Variants in HELZ observed in about 807,000 individuals in gnomAD.
HELZ encodes ATP-dependent RNA helicase with zinc finger domain.
HELZ carries 23 observed loss-of-function variants against 218.2 expected under a neutral mutation model. That is an observed-to-expected ratio of 0.11 (90% CI 0.08 to 0.15). HELZ has a LOEUF of 0.15. HELZ is among the 10% of genes least tolerant of loss of function. HELZ has a pLI of 1.00. For synonymous variants in HELZ, 814 were observed against 829.4 expected (o/e 0.98, Z 0.32); for missense variants, 1,813 against 2,353.7 (o/e 0.77, Z 4.75).
Position 67,109,435 on chromosome 17 carries a change from T to A in HELZ, c.4170A>T (p.Gln1390His), listed in dbSNP as rs2037210888. 1.9e-6 allele frequency: 3 copies of A among 1,614,140 alleles called. No homozygotes were observed. In the East Asian group the frequency reaches 6.7e-5, roughly 36 times the overall value. The change falls in exon 29 of 33, where the codon CAA becomes CAT. Residue 1390 changes from glutamine (Q) to histidine (H), a missense_variant. By Grantham distance (24) the Gln-to-His change is conservative. This residue lies in a region of HELZ where 938 missense variants were observed against 1,027.5 expected (regional missense o/e 0.91). Transcript: ENST00000358691. Reference sequence around the variant, plus strand: ...TTGGCTGAGGTGGTATCTGATTTGGTTGTTCAGGCAAATTATTCTGCTGCT... The same window carrying A: ...TTGGCTGAGGTGGTATCTGATTTGGATGTTCAGGCAAATTATTCTGCTGCT... ...LNQQQNNLPE[Q>H]PNQIPPQPNQ...
At chr17:67,163,086 T>C (rs1436891786) in intron 15 of HELZ, among the ~76,000 whole-genome samples, 1 of 152,200 alleles carries the variant, frequency 6.6e-6, no homozygotes, top group Admixed American at 6.5e-5. Context: ...ATAATGACAT[T>C]TGCATCAGAT....
intron 31 of HELZ, among the ~76,000 whole-genome samples, chr17:67,098,184 C>T (rs1598210103): frequency 6.6e-6 from 1 of 152,156 alleles, no homozygotes; most frequent in South Asian, 2.1e-4. Context: ...TAAGAATAAA[C>T]CTTACTCATG....
intron 19 of HELZ, among the ~76,000 whole-genome samples, 173 bp from the exon 20 acceptor site, chr17:67,148,887 G>C (rs1428619766): frequency 2.0e-5 from 3 of 152,084 alleles, no homozygotes; most frequent in African/African-American, 7.2e-5. Flanking sequence ...CCACTACTAA[G>C]AACTTGGCTA....
intron 3 of HELZ, among the ~76,000 whole-genome samples, chr17:67,223,751 C>A (rs771353920): frequency 4.0e-5 from 6 of 150,980 alleles, no homozygotes; most frequent in Non-Finnish European, 5.9e-5. Context: ...GACTCCCTCT[C>A]AAAGAAAAAA....
Position 67,076,855 on chromosome 17 carries a change from T to C in HELZ, c.*1397A>G, listed in dbSNP as rs1199155642. 2 of 151,072 alleles carry C rather than the reference T, an allele frequency of 1.3e-5. No individual in the cohort carries two copies. Among genetic ancestry groups the C allele is most frequent in the African/African-American group, 4.8e-5 (2 of 41,248 alleles). 9.4% of individuals were successfully genotyped at this position (151,072 alleles called of 1,614,324 possible). On this transcript the variant is annotated 3_prime_UTR_variant, in exon 33 of 33. Transcript: ENST00000358691. ...CGAAAGGTTCCCCAGCCTCATCTTA[T>C]TTTTTTTTAAAAGTTTATATTGTAG... is the stretch of plus-strand genomic sequence containing the variant.
chr17:67,094,333 A>AGAGAG (rs1555597035), intron 31 of HELZ, among the ~76,000 whole-genome samples: 4 of 146,632 alleles, frequency 2.7e-5, no homozygotes, highest in African/African-American at 1.1e-4. Context: ...AAAAAAAAAA[A>AGAGAG]AGAGAGAGAG....
intron 21 of HELZ, among the ~76,000 whole-genome samples, chr17:67,144,410 A>T (rs1281628503): frequency 2.0e-5 from 3 of 151,638 alleles, no homozygotes; most frequent in Non-Finnish European, 4.4e-5. Flanking sequence ...CTCTAAAGTT[A>T]CATGTTTAAT....
intron 27 of HELZ, chr17:67,119,840 AT>A (rs913777049): frequency 2.9e-6 from 1 of 345,426 alleles, no homozygotes; most frequent in Non-Finnish European, 5.5e-6. Context: ...CAAATTTAAT[AT>A]TTTTTTCAGA....
chr17:67,210,191 T>C (rs1163010168), intron 5 of HELZ, among the ~76,000 whole-genome samples: 1 of 152,244 alleles, frequency 6.6e-6, no homozygotes, highest in African/African-American at 2.4e-5. Context: ...GCCACTCTAC[T>C]TCCAGTCTGG....
chr17:67,183,918 A>G (rs888257054), intron 12 of HELZ, among the ~76,000 whole-genome samples: 1 of 152,044 alleles, frequency 6.6e-6, no homozygotes, highest in African/African-American at 2.4e-5. Flanking sequence ...AGTTTTCAGG[A>G]TTGCCAAAAT....
At chr17:67,162,805 G>C (rs1212238589) in intron 15 of HELZ, among the ~76,000 whole-genome samples, 1 of 151,324 alleles carries the variant, frequency 6.6e-6, no homozygotes, top group Non-Finnish European at 1.5e-5. Context: ...ACCAGGAAAA[G>C]TAAATAAACT....
intron 7 of HELZ, among the ~76,000 whole-genome samples, chr17:67,197,938 A>C (rs2143055881): frequency 6.6e-6 from 1 of 152,242 alleles, no homozygotes; most frequent in South Asian, 2.1e-4. Context: ...ATCAGGAGTA[A>C]TTATTCATAT....
At chr17:67,184,785 C>T (rs1259968428) in intron 12 of HELZ, among the ~76,000 whole-genome samples, 1 of 151,880 alleles carries the variant, frequency 6.6e-6, no homozygotes, top group African/African-American at 2.4e-5. Flanking sequence ...CACTGCACTC[C>T]AGCCTGGGCA....
At chr17:67,107,134 A>G (rs2037128541) in intron 31 of HELZ, 35 bp downstream of exon 31, 3 of 1,535,720 alleles carry the variant, frequency 2.0e-6, no homozygotes, top group East Asian at 2.3e-5. Context: ...TTTCACAATC[A>G]GCTAATAACA....
chr17:67,132,536 G>A (rs569717582), intron 23 of HELZ, among the ~76,000 whole-genome samples: 9 of 152,212 alleles, frequency 5.9e-5, no homozygotes, highest in Admixed American at 5.9e-4. Flanking sequence ...GTGACCCTGG[G>A]CAATTTAATC....
At position 67,167,610 on chromosome 17, in the gene HELZ, G is replaced by C; in HGVS notation, c.1617C>G (p.Val539=). The C allele has an allele frequency of 6.2e-7, 1 of 1,614,046 alleles. No individual in the cohort carries two copies. Among genetic ancestry groups the C allele is most frequent in the African/African-American group, 1.3e-5 (1 of 75,010 alleles). The change falls in exon 14 of 33, where the codon GTC becomes GTG. Residue 539 remains valine, a synonymous_variant. Transcript: ENST00000358691. ...TKVNAVYLLP[V]PKQKLVQTQG... ...GGGTCTGTACTAACTTCTGTTTAGGGACTGGTAATAAATAAACAGCATTGA... is the reference window on the plus strand; with the variant it reads ...GGGTCTGTACTAACTTCTGTTTAGGCACTGGTAATAAATAAACAGCATTGA...
rs1048752983 is a variant in HELZ at position 67,207,322 on chromosome 17, C to T, written c.248-3879G>A. On this transcript the variant is annotated intron_variant, in intron 5 of 32. Transcript: ENST00000358691. ...GCAACCACCGCCTCCTCAGTTCAAG[C>T]GACTCTCCTGCCTCAGCCTCACCAG... is the stretch of plus-strand genomic sequence containing the variant. Among the ~76,000 whole-genome samples, 7 of 148,400 alleles carry T rather than the reference C, an allele frequency of 4.7e-5. No homozygotes were observed. In the South Asian group the frequency reaches 6.4e-4, roughly 14 times the overall value.
At chr17:67,197,019 A>G (rs575095300) in intron 7 of HELZ, among the ~76,000 whole-genome samples, 41 of 152,208 alleles carry the variant, frequency 2.7e-4, no homozygotes, top group East Asian at 9.7e-4. Context: ...ATCTTGCCTT[A>G]TATCAAGTCA....
chr17:67,245,271 C>A, upstream of HELZ: 1 of 950,264 alleles, frequency 1.1e-6, no homozygotes, highest in South Asian at 4.7e-5. Flanking sequence ...GCCGCCGGCG[C>A]CGCCCCCTCC....
Sources: allele counts gnomAD v4.1 joint callset (sites outside exome capture counted in the v4.1 genomes callset), GRCh38; gene constraint gnomAD v4.1.1; regional missense constraint gnomAD v4.1.1; transcripts MANE v1.5; gene names NCBI Gene and HGNC (gene_info 2026-07-23, HGNC 2026-07-21).